SYNE1: variants seen among roughly 807,000 people sequenced by gnomAD.
SYNE1 encodes spectrin repeat containing nuclear envelope protein 1, also known as nesprin-1.
In SYNE1, 616 loss-of-function variants were observed where a neutral mutation model predicts 1,111.0. The ratio of observed to expected loss-of-function variants is 0.55; its 90% CI spans 0.52 to 0.59. The LOEUF (loss-of-function observed/expected upper bound fraction) is 0.59. Among genes scored for constraint, SYNE1 ranks in the 20% least tolerant of loss-of-function variants. SYNE1 has a pLI of 0.00. For missense variants in SYNE1, 10,006 were observed against 10,417.0 expected, an observed-to-expected ratio of 0.96 and a Z score of 1.72; for synonymous variants, 3,855 against 3,825.8, an observed-to-expected ratio of 1.01 and a Z score of -0.28.
chr6:152,472,703 G>A (rs1404918460), intron 14 of SYNE1: 1 of 686,128 alleles, frequency 1.5e-6, no homozygotes, highest in South Asian at 1.6e-5. Flanking sequence ...TGATCCAAAG[G>A]AAAATGTAAT....
intron 4 of SYNE1, 82 bp from the exon 5 acceptor site, chr6:152,526,257 T>A: frequency 1.4e-6 from 2 of 1,408,692 alleles, no homozygotes; most frequent in Non-Finnish European, 2.0e-6. Flanking sequence ...CTTTGTTACT[T>A]ATGGTGGTGA....
intron 3 of SYNE1, among the ~76,000 whole-genome samples, chr6:152,588,080 A>G (rs1289803809): frequency 1.3e-5 from 2 of 152,180 alleles, no homozygotes; most frequent in East Asian, 1.9e-4. Flanking sequence ...CTTCACCTTT[A>G]TCACTTGTCT....
At position 152,430,668 on chromosome 6, in the gene SYNE1, T is replaced by A; in HGVS notation, c.4503A>T (p.Val1501=). The A allele has an allele frequency of 6.2e-7, 1 of 1,614,142 alleles. No individual in the cohort carries two copies. Among genetic ancestry groups the A allele is most frequent in the Non-Finnish European group, 8.5e-7 (1 of 1,179,988 alleles). Residue 1501 remains valine, a synonymous_variant, in exon 35 of 146, where the codon GTA becomes GTT. Coordinates refer to ENST00000367255, the MANE Select transcript of SYNE1 (RefSeq NM_182961.4). ...QEIESKLSSI[V]GLEEEAQSFA... Reference sequence around the variant, plus strand: ...AAGACTGGGCTTCTTCTTCTAATCCTACAATGCTGCTGAGCTTACTTTCTA... The same window carrying A: ...AAGACTGGGCTTCTTCTTCTAATCCAACAATGCTGCTGAGCTTACTTTCTA...
Position 152,395,636 on chromosome 6 carries a change from A to G in SYNE1, c.7592T>C (p.Ile2531Thr), listed in dbSNP as rs138766629. Residue 2531 changes from isoleucine to threonine, a missense_variant, in exon 51 of 146, where the codon ATC becomes ACC. By Grantham distance (89) the Ile-to-Thr change is moderately conservative. This residue lies in a region of SYNE1 where 4,955 missense variants were observed against 5,017.2 expected (regional missense o/e 0.99). Transcript: ENST00000367255. ...EDQHRKLNLW[I>T]HEMEERFNTE... ...ATTGAACCTTTCTTCCATTTCATGGATCCATAAGTTCAGTTTTCTGTGCTG... is the reference window on the plus strand; with the variant it reads ...ATTGAACCTTTCTTCCATTTCATGGGTCCATAAGTTCAGTTTTCTGTGCTG... 4.0e-5 allele frequency: 64 copies of G among 1,614,004 alleles called. No individual in the cohort carries two copies. The highest frequency in any genetic ancestry group is 5.0e-5 in the Non-Finnish European group (59 of 1,180,034).
At position 152,526,137 on chromosome 6, in the gene SYNE1, G is replaced by T. The variant is rs760569360; in HGVS notation, c.168C>A (p.Asp56Glu). The change falls in exon 5 of 146, where the codon GAC becomes GAA. Residue 56 changes from aspartate to glutamate, a missense_variant. By Grantham distance (45) the Asp-to-Glu change is conservative. Coordinates refer to ENST00000367255, the MANE Select transcript of SYNE1 (RefSeq NM_182961.4). ...PPMVVDDLFEDMKDGVKLLAL... is the reference protein window; with the variant it reads ...PPMVVDDLFEEMKDGVKLLAL... Reference sequence around the variant, plus strand: ...CAAGCAGTTTAACACCATCTTTCATGTCTTCAAAAAGATCGTCCACCACCA... The same window carrying T: ...CAAGCAGTTTAACACCATCTTTCATTTCTTCAAAAAGATCGTCCACCACCA... The T allele has an allele frequency of 3.7e-6, 6 of 1,614,104 alleles. No individual in the cohort carries two copies. The highest frequency in any genetic ancestry group is 4.2e-6 in the Non-Finnish European group (5 of 1,179,976).
intron 14 of SYNE1, among the ~76,000 whole-genome samples, chr6:152,477,618 A>AT (rs2098842696): frequency 1.3e-5 from 2 of 151,858 alleles, no homozygotes; most frequent in Admixed American, 1.3e-4. Flanking sequence ...AAATTTACTT[A>AT]TTTTTTATAT....
At chr6:152,344,297 A>G in intron 73 of SYNE1, 70 bp from the exon 74 acceptor site, 2 of 1,600,216 alleles carry the variant, frequency 1.2e-6, no homozygotes, top group Non-Finnish European at 8.5e-7. Context: ...TTCAAATTCA[A>G]TGAAACATGA....
chr6:152,206,407 C>T (rs750665348), intron 125 of SYNE1, 45 bp from the exon 126 acceptor site: 43 of 1,606,202 alleles, frequency 2.7e-5, no homozygotes, highest in Admixed American at 3.4e-5. Flanking sequence ...TTTCTTTCAT[C>T]GTTTCCTTCC....
In SYNE1 at chr6:152,352,506, G is replaced by A. The variant is rs539466944; in HGVS notation, c.11254-153C>T. ...CAACTTCCGCCTCCTGGGTTCCAGC[G>A]ATTCTCCTGCCTCAGCCTCCAAAGT... On this transcript the variant is annotated intron_variant, in intron 69 of 145. Coordinates refer to ENST00000367255, the MANE Select transcript of SYNE1 (RefSeq NM_182961.4). Among the ~76,000 whole-genome samples the A allele has an allele frequency of 7.2e-5, 11 of 151,814 alleles. No individual in the cohort carries two copies. The South Asian group carries it at 1.7e-3, about 23-fold the overall frequency.
intron 91 of SYNE1, among the ~76,000 whole-genome samples, chr6:152,303,402 C>CAAAAA (rs373230705): frequency 5.0e-5 from 6 of 120,414 alleles, no homozygotes; most frequent in Non-Finnish European, 8.7e-5. Flanking sequence ...GACTCTGTCT[C>CAAAAA]AAAAAAAAAA....
At chr6:152,198,984 T>TAAAA (rs61232469) in intron 127 of SYNE1, among the ~76,000 whole-genome samples, 1 of 135,356 alleles carries the variant, frequency 7.4e-6, no homozygotes, top group Non-Finnish European at 1.6e-5. Flanking sequence ...CTTCAATTTG[T>TAAAA]AAAAAAAAAA....
chr6:152,255,589 A>G lies in SYNE1; in HGVS notation c.19260+2T>C, dbSNP rs1588855714. 3 of 1,614,154 alleles carry G rather than the reference A, an allele frequency of 1.9e-6. No individual in the cohort carries two copies. Among genetic ancestry groups the G allele is most frequent in the East Asian group, 2.2e-5 (1 of 44,882 alleles). On this transcript the variant is annotated splice_donor_variant, in intron 103 of 145. Transcript: ENST00000367255. LOFTEE classifies it high-confidence loss of function. ...CACACAGGCAGGAACTACTAAACCTACCTCTTGGTTGAAGAGACAAGTCTC... is the reference window on the plus strand; with the variant it reads ...CACACAGGCAGGAACTACTAAACCTGCCTCTTGGTTGAAGAGACAAGTCTC...
chr6:152,364,763 C>G (rs536034140), intron 63 of SYNE1, 84 bp downstream of exon 63: 9 of 1,543,268 alleles, frequency 5.8e-6, no homozygotes, highest in Non-Finnish European at 8.0e-6. Context: ...GAAGGGAAGC[C>G]GGCCACAGGA....
At chr6:152,509,257 T>C (rs1266584470) in intron 8 of SYNE1, among the ~76,000 whole-genome samples, 1 of 144,232 alleles carries the variant, frequency 6.9e-6, no homozygotes, top group Non-Finnish European at 1.5e-5. Flanking sequence ...TCTTTTTTTT[T>C]TTTTTTTTTT....
At chr6:152,350,428 G>A in intron 71 of SYNE1, 93 bp from the exon 72 acceptor site, 6 of 1,559,550 alleles carry the variant, frequency 3.8e-6, no homozygotes, top group Non-Finnish European at 5.3e-6. Context: ...AACTCACAGG[G>A]TAGTTAGAGC....
intron 4 of SYNE1, among the ~76,000 whole-genome samples, chr6:152,528,184 T>C (rs1186735024): frequency 1.3e-5 from 2 of 152,220 alleles, no homozygotes; most frequent in African/African-American, 4.8e-5. Flanking sequence ...TCCTTTGTTC[T>C]TTACAAATTT....
At chr6:152,470,312 A>G (rs1424288672) in intron 16 of SYNE1, among the ~76,000 whole-genome samples, 3 of 152,228 alleles carry the variant, frequency 2.0e-5, no homozygotes, top group Non-Finnish European at 4.4e-5. Flanking sequence ...AAATATCCAG[A>G]ACAAAGACTG....
chr6:152,297,040 C>T (rs2094916171), intron 93 of SYNE1, among the ~76,000 whole-genome samples: 1 of 152,188 alleles, frequency 6.6e-6, no homozygotes, highest in African/African-American at 2.4e-5. Context: ...CACAGCTTCT[C>T]ATTAAATTCC....
In SYNE1 at chr6:152,325,109, T is replaced by C. The variant is rs749562806; in HGVS notation, c.15632A>G (p.Asp5211Gly). The C allele has an allele frequency of 6.2e-7, 1 of 1,614,198 alleles. No individual in the cohort carries two copies. The highest frequency in any genetic ancestry group is 1.1e-5 in the South Asian group (1 of 91,078). The change falls in exon 81 of 146, where the codon GAT becomes GGT. Residue 5211 changes from aspartate to glycine, a missense_variant. Physicochemically the swap from Asp to Gly is moderately conservative, Grantham distance 94 (BLOSUM62 -1). Around this residue, in one of 7 missense-constraint regions of SYNE1, gnomAD observed 4,955 missense variants for 5,017.2 expected, o/e 0.99. Transcript: ENST00000367255. ...DQEKILEDAV[D>G]EWTGFNNKVK... ...CTTGTTGTTAAAGCCCGTCCACTCATCCACTGCATCTTCCAGGATCTTCTC... is the reference window on the plus strand; with the variant it reads ...CTTGTTGTTAAAGCCCGTCCACTCACCCACTGCATCTTCCAGGATCTTCTC...
Sources: gnomAD v4.1 joint callset for allele counts (sites outside exome capture counted in the v4.1 genomes callset) on GRCh38, gnomAD v4.1.1 for gene constraint, gnomAD v4.1.1 regional missense constraint, MANE v1.5 for transcripts, NCBI Gene and HGNC (gene_info 2026-07-23, HGNC 2026-07-21) for gene names.